Variants in RPL22 observed in about 807,000 individuals in gnomAD.
The protein encoded by RPL22 is ribosomal protein L22.
RPL22 carries 4 observed loss-of-function variants against 16.2 expected under a neutral mutation model. The ratio of observed to expected loss-of-function variants is 0.25; its 90% CI spans 0.12 to 0.57. RPL22 has a LOEUF of 0.57. Ranked by LOEUF, RPL22 falls within the 20% of genes least tolerant of loss-of-function variation. The pLI is 0.92. For missense variants in RPL22, 83 were observed against 156.1 expected (o/e 0.53, Z 2.49); for synonymous variants, 43 against 54.8 (o/e 0.78, Z 0.95).
chr1:6,193,784 T>TA (rs966410326), intron 2 of RPL22, among the ~76,000 whole-genome samples: 2 of 152,308 alleles, frequency 1.3e-5, no homozygotes, highest in African/African-American at 4.8e-5. Flanking sequence ...CAGTCTTTTT[T>TA]AAAAATGGTA....
At chr1:6,192,898 A>C (rs1176525808) in intron 3 of RPL22, 32 bp downstream of exon 3, 1 of 1,590,486 alleles carries the variant, frequency 6.3e-7, no homozygotes, top group Admixed American at 1.7e-5. Flanking sequence ...CACTGGGTGC[A>C]CGCAGGCCAC....
chr1:6,188,113 C>T (rs1667605092), intron 3 of RPL22, among the ~76,000 whole-genome samples: 1 of 152,158 alleles, frequency 6.6e-6, no homozygotes, highest in African/African-American at 2.4e-5. Context: ...CTCACTGCAA[C>T]CTCTGCCTCC....
chr1:6,197,761 GA>G lies in RPL22; in HGVS notation c.13-6del. ...CCCCTTCACCACAAGCTTTTTCTAA[GA>G]AAATACACAAATGATAACAGAGATG... On this transcript the variant is annotated splice_polypyrimidine_tract_variant and splice_region_variant and intron_variant, in intron 1 of 3. Coordinates refer to ENST00000234875, the MANE Select transcript of RPL22 (RefSeq NM_000983.4). 1 of 1,592,374 alleles carries G rather than the reference GA, an allele frequency of 6.3e-7. No homozygotes were observed. Among genetic ancestry groups the G allele is most frequent in the Non-Finnish European group, 8.6e-7 (1 of 1,160,800 alleles).
chr1:6,185,403 T>C lies in RPL22; in HGVS notation c.*1269A>G. The C allele has an allele frequency of 2.5e-6, 1 of 399,052 alleles. No homozygotes were observed. Among genetic ancestry groups the C allele is most frequent in the Non-Finnish European group, 4.4e-6 (1 of 226,046 alleles). 24.7% of individuals were successfully genotyped at this position (399,052 alleles called of 1,614,324 possible). ...CAAGCAATTCTGCTTCAAAGAAATT[T>C]GCATAGAAATGGAAAAATGCCAGAG... On this transcript the variant is annotated 3_prime_UTR_variant, in exon 4 of 4. Transcript: ENST00000234875.
Position 6,189,066 on chromosome 1 carries a change from G to T in RPL22, c.243-2250C>A, listed in dbSNP as rs145945493. ...CTCCCAAAGTGCTGGGATTACAGGC[G>T]TGAGCCACCGCGCTCAGCATGGATC... On this transcript the variant is annotated intron_variant, in intron 3 of 3. Transcript: ENST00000234875. 4.4e-3 allele frequency among the ~76,000 whole-genome samples: 664 copies of T among 152,260 alleles called. 6 individuals are homozygous for T. Among genetic ancestry groups the T allele is most frequent in the African/African-American group, 0.015 (635 of 41,564 alleles).
intron 2 of RPL22, among the ~76,000 whole-genome samples, chr1:6,196,631 T>G (rs1161283826): frequency 6.6e-6 from 1 of 152,052 alleles, no homozygotes; most frequent in African/African-American, 2.4e-5. Flanking sequence ...ACATGGCTAT[T>G]AGAGGAAAAA....
chr1:6,195,459 A>C (rs918993398), intron 2 of RPL22, among the ~76,000 whole-genome samples: 2 of 151,464 alleles, frequency 1.3e-5, no homozygotes, highest in Non-Finnish European at 2.9e-5. Flanking sequence ...AAAAAAAAAA[A>C]AAAAATTTGG....
At chr1:6,196,515 G>C (rs756512592) in intron 2 of RPL22, among the ~76,000 whole-genome samples, 4 of 152,166 alleles carry the variant, frequency 2.6e-5, no homozygotes, top group African/African-American at 4.8e-5. Flanking sequence ...AATTATTTTT[G>C]TTGTAATGAT....
chr1:6,193,074 G>T lies in RPL22; in HGVS notation c.118-20C>A. ...CTGCTCCTGTAGAAATCATTAAATTGACCAATGAAGTGACAAGTTCATCTG... is the reference window on the plus strand; with the variant it reads ...CTGCTCCTGTAGAAATCATTAAATTTACCAATGAAGTGACAAGTTCATCTG... On this transcript the variant is annotated intron_variant, in intron 2 of 3. Transcript: ENST00000234875. 6.2e-7 allele frequency: 1 copy of T among 1,613,186 alleles called. No homozygotes were observed. The highest frequency in any genetic ancestry group is 1.1e-5 in the South Asian group (1 of 91,032).
chr1:6,186,255 CCA>C lies in RPL22; in HGVS notation c.*415_*416del, dbSNP rs1337822662. 4 of 241,314 alleles carry C rather than the reference CCA, an allele frequency of 1.7e-5. No individual in the cohort carries two copies. Among genetic ancestry groups the C allele is most frequent in the Admixed American group, 5.5e-5 (1 of 18,246 alleles). The allele number at this position is 241,314 out of a possible 1,614,324, so 14.9% of individuals were successfully genotyped here. On this transcript the variant is annotated 3_prime_UTR_variant, in exon 4 of 4. Coordinates refer to ENST00000234875, the MANE Select transcript of RPL22 (RefSeq NM_000983.4). ...CCGCATTTTATTGACAGTCATTTTC[CCA>C]CAGAGAATCTTAGAAAGATGTCGCG...
intron 3 of RPL22, among the ~76,000 whole-genome samples, chr1:6,190,083 GAA>G (rs1667630982): frequency 6.6e-6 from 1 of 152,170 alleles, no homozygotes; most frequent in Non-Finnish European, 1.5e-5. Flanking sequence ...ATAAAGAACA[GAA>G]AGTTTGTGAA....
At chr1:6,188,656 C>T (rs1486804660) in intron 3 of RPL22, among the ~76,000 whole-genome samples, 1 of 152,028 alleles carries the variant, frequency 6.6e-6, no homozygotes, top group African/African-American at 2.4e-5. Flanking sequence ...GAGGGAATTT[C>T]ACAACACACA....
Position 6,186,729 on chromosome 1 carries a change from G to A in RPL22, c.330C>T (p.Tyr110=), listed in dbSNP as rs750588118. The change falls in exon 4 of 4, where the codon TAC becomes TAT. Residue 110 remains tyrosine, a synonymous_variant. Coordinates refer to ENST00000234875, the MANE Select transcript of RPL22 (RefSeq NM_000983.4). ...LRVVANSKES[Y]ELRYFQINQD... Reference sequence around the variant, plus strand: ...GGTTAATCTGGAAGTAACGTAATTCGTAACTCTCTTTGCTGTTAGCAACTA... The same window carrying A: ...GGTTAATCTGGAAGTAACGTAATTCATAACTCTCTTTGCTGTTAGCAACTA... 75 of 1,592,946 alleles carry A rather than the reference G, an allele frequency of 4.7e-5. No individual in the cohort carries two copies. The highest frequency in any genetic ancestry group is 5.8e-5 in the Non-Finnish European group (68 of 1,163,860).
chr1:6,193,732 T>G (rs1214536272), intron 2 of RPL22, among the ~76,000 whole-genome samples: 1 of 152,174 alleles, frequency 6.6e-6, no homozygotes, highest in African/African-American at 2.4e-5. Flanking sequence ...ATTACAGGTG[T>G]GAGCCAGCAT....
At chr1:6,194,923 GGT>G (rs1667695796) in intron 2 of RPL22, among the ~76,000 whole-genome samples, 1 of 152,112 alleles carries the variant, frequency 6.6e-6, no homozygotes, top group African/African-American at 2.4e-5. Flanking sequence ...CAGATCACGA[GGT>G]CAGGAGATCG....
rs753004590 is a variant in RPL22 at position 6,197,656 on chromosome 1, T to C, written c.113A>G (p.Asn38Ser). The C allele has an allele frequency of 2.6e-5, 42 of 1,607,000 alleles. No homozygotes were observed. Among genetic ancestry groups the C allele is most frequent in the South Asian group, 9.9e-5 (9 of 90,846 alleles). The part of the protein sequence containing the change: ...PVEDGIMDAA[N>S]FEQFLQERIK... ...GGCAATAAGGATGTAACTTACAAAA[T>C]TGGCAGCATCCATGATTCCATCTTC... Residue 38 changes from asparagine (N) to serine (S), a missense_variant, in exon 2 of 4, where the codon AAT becomes AGT. Asn to Ser is a conservative substitution (Grantham distance 46, BLOSUM62 1). Coordinates refer to ENST00000234875, the MANE Select transcript of RPL22 (RefSeq NM_000983.4).
chr1:6,190,944 C>T (rs181716143), intron 3 of RPL22, among the ~76,000 whole-genome samples: 2 of 152,202 alleles, frequency 1.3e-5, no homozygotes, highest in Non-Finnish European at 2.9e-5. Context: ...AGCTCTTGGT[C>T]AGACACAGTG....
intron 1 of RPL22, 167 bp downstream of exon 1, chr1:6,199,395 C>A: frequency 7.4e-7 from 1 of 1,355,044 alleles, no homozygotes; most frequent in Non-Finnish European, 9.6e-7. Flanking sequence ...CCTCCGCCTA[C>A]AACGTGCTGG....
At chr1:6,196,269 C>T (rs1667717638) in intron 2 of RPL22, among the ~76,000 whole-genome samples, 2 of 151,918 alleles carry the variant, frequency 1.3e-5, no homozygotes, top group African/African-American at 2.4e-5. Flanking sequence ...GGGAGGGAGG[C>T]AGGAATAATG....
Sources: gnomAD v4.1 joint callset for allele counts (sites outside exome capture counted in the v4.1 genomes callset) on GRCh38, gnomAD v4.1.1 for gene constraint, MANE v1.5 for transcripts, NCBI Gene and HGNC (gene_info 2026-07-23, HGNC 2026-07-21) for gene names.